The following ACTR3C variants were observed in gnomAD, a reference collection of about 807,000 sequenced individuals.
ACTR3C encodes the protein actin related protein 3C.
A neutral mutation model predicts 26.3 loss-of-function variants in ACTR3C; 18 were observed. That is an observed-to-expected ratio of 0.68 (90% CI 0.47 to 1.01). The LOEUF is 1.01. ACTR3C is among the 50% of genes least tolerant of loss of function. The pLI is 0.00. For synonymous variants in ACTR3C, 55 were observed against 94.5 expected, an observed-to-expected ratio of 0.58 and a Z score of 2.42; for missense variants, 184 against 250.7, an observed-to-expected ratio of 0.73 and a Z score of 1.80.
chr7:150,252,336 C>A (rs754890896), intron 6 of ACTR3C, among the ~76,000 whole-genome samples: 1 of 152,098 alleles, frequency 6.6e-6, no homozygotes, highest in African/African-American at 2.4e-5. Flanking sequence ...TTTAATGCAG[C>A]ATACATTGCA....
downstream of ACTR3C, among the ~76,000 whole-genome samples, chr7:150,239,926 T>G (rs899102472): frequency 3.3e-4 from 50 of 152,118 alleles, no homozygotes; most frequent in Admixed American, 7.2e-4. Context: ...TAATTTTTTT[T>G]GAATTTTTAT....
At chr7:150,042,490 C>G in the ACTR3C span, among the ~76,000 whole-genome samples, 2 of 145,590 alleles carry the variant, frequency 1.4e-5, no homozygotes, top group East Asian at 2.1e-4. Context: ...TCGCAGTCCC[C>G]GCCTCGCGGG....
chr7:150,130,677 T>A, the ACTR3C span, among the ~76,000 whole-genome samples: 1 of 152,222 alleles, frequency 6.6e-6, no homozygotes, highest in Admixed American at 6.5e-5. Context: ...GAATTGCCTA[T>A]GCATGAGTGT....
the ACTR3C span, among the ~76,000 whole-genome samples, chr7:150,227,115 A>G: frequency 6.6e-6 from 1 of 151,016 alleles, no homozygotes; most frequent in African/African-American, 2.5e-5. Flanking sequence ...TCATCTCACC[A>G]ACTTAACATT....
chr7:150,168,115 T>G, the ACTR3C span, among the ~76,000 whole-genome samples: 5 of 150,758 alleles, frequency 3.3e-5, no homozygotes, highest in Admixed American at 3.3e-4. Flanking sequence ...GTCTGTTTCA[T>G]GCCCTAAAGC....
chr7:150,148,463 C>T, the ACTR3C span, among the ~76,000 whole-genome samples: 4 of 152,150 alleles, frequency 2.6e-5, no homozygotes, highest in Admixed American at 6.5e-5. Flanking sequence ...GGCGACAGAG[C>T]AAGACACTGT....
chr7:150,006,185 A>AATTAATTAATTAATTTATTTATTTATTT, the ACTR3C span, among the ~76,000 whole-genome samples: 184 of 139,100 alleles, frequency 1.3e-3, no homozygotes, highest in African/African-American at 4.8e-3. Flanking sequence ...AATTGCACAG[A>AATTAATTAATTAATTTATTTATTTATTT]ATTTATTTAT....
At chr7:150,045,562 C>G in the ACTR3C span, among the ~76,000 whole-genome samples, 1 of 142,374 alleles carries the variant, frequency 7.0e-6, no homozygotes. Context: ...GTGTATTTTC[C>G]AGAAAAAAAA....
chr7:150,191,198 A>G, the ACTR3C span, among the ~76,000 whole-genome samples: 1 of 152,164 alleles, frequency 6.6e-6, no homozygotes, highest in Non-Finnish European at 1.5e-5. Context: ...GTGGGTAGCT[A>G]TTTTAGTTCC....
chr7:150,297,074 T>C (rs528157026), intron 1 of ACTR3C, among the ~76,000 whole-genome samples: 7 of 152,052 alleles, frequency 4.6e-5, no homozygotes, highest in Admixed American at 1.3e-4. Context: ...AGTAGACTAA[T>C]ACACCCCTAC....
the ACTR3C span, among the ~76,000 whole-genome samples, chr7:150,237,947 T>C: frequency 6.7e-6 from 1 of 149,500 alleles, no homozygotes. Context: ...CCCAACATGG[T>C]GTCTGTTTCT....
At chr7:150,119,584 C>T in the ACTR3C span, among the ~76,000 whole-genome samples, 1 of 152,162 alleles carries the variant, frequency 6.6e-6, no homozygotes, top group Non-Finnish European at 1.5e-5. Flanking sequence ...ATTCATAAAG[C>T]AAATTCTTAG....
At chr7:150,197,294 T>A in the ACTR3C span, among the ~76,000 whole-genome samples, 2 of 152,216 alleles carry the variant, frequency 1.3e-5, no homozygotes, top group Admixed American at 1.3e-4. Context: ...AGGGACTCCA[T>A]TGTCCCTCAC....
the ACTR3C span, among the ~76,000 whole-genome samples, chr7:150,199,613 AT>A: frequency 0.038 from 5,039 of 131,908 alleles, 141 homozygotes; most frequent in Non-Finnish European, 0.06. Flanking sequence ...AAAAAAATAA[AT>A]TTAAAAAAAA....
the ACTR3C span, among the ~76,000 whole-genome samples, chr7:149,927,652 C>T: frequency 2.0e-5 from 3 of 148,462 alleles, no homozygotes; most frequent in South Asian, 2.3e-4. Context: ...CACTTGAACC[C>T]GGGAGGCGGA....
the ACTR3C span, among the ~76,000 whole-genome samples, chr7:149,966,636 G>C: frequency 6.6e-6 from 1 of 152,178 alleles, no homozygotes; most frequent in Non-Finnish European, 1.5e-5. Flanking sequence ...CAACTCACTA[G>C]ATGCCAGGTC....
chr7:149,885,346 C>CA, the ACTR3C span, among the ~76,000 whole-genome samples: 19 of 152,342 alleles, frequency 1.2e-4, no homozygotes, highest in East Asian at 9.7e-4. Context: ...CAGGAGACCA[C>CA]ACCCCAGCAA....
At chr7:150,218,965 TAGTG>T in the ACTR3C span, among the ~76,000 whole-genome samples, 4 of 151,860 alleles carry the variant, frequency 2.6e-5, no homozygotes. Context: ...ACTCAAATCA[TAGTG>T]AGAACAGAGA....
the ACTR3C span, among the ~76,000 whole-genome samples, chr7:150,232,684 A>G: frequency 1.4e-5 from 2 of 147,446 alleles, no homozygotes; most frequent in Non-Finnish European, 3.0e-5. Context: ...TTAGCCAGGC[A>G]TGATGGCAGA....
Sources: allele counts gnomAD v4.1 joint callset (sites outside exome capture counted in the v4.1 genomes callset), GRCh38; gene constraint gnomAD v4.1.1; transcripts MANE v1.5; gene names NCBI Gene and HGNC (gene_info 2026-07-23, HGNC 2026-07-21).